SAPCD2: variants seen among roughly 807,000 people sequenced by gnomAD.
SAPCD2 encodes the protein suppressor APC domain containing 2.
Under a neutral mutation model 37.8 loss-of-function variants are expected in SAPCD2, and 34 were observed. The ratio of observed to expected loss-of-function variants is 0.90; its 90% CI spans 0.68 to 1.20. The LOEUF is 1.20. SAPCD2 is among the 50% of genes most tolerant of loss of function. The probability of loss-of-function intolerance (pLI) is 0.00; values close to 1 mark genes in which losing one functional copy is unlikely to be tolerated. For synonymous variants in SAPCD2, 275 were observed against 270.3 expected, an observed-to-expected ratio of 1.02 and a Z score of -0.17; for missense variants, 572 against 584.7, an observed-to-expected ratio of 0.98 and a Z score of 0.22.
chr9:137,065,431 G>C, intron 3 of SAPCD2, 91 bp downstream of exon 3: 3 of 1,423,006 alleles, frequency 2.1e-6, no homozygotes, highest in South Asian at 2.8e-5. Flanking sequence ...CACTGTGTCC[G>C]GGAATAGGGG....
At chr9:137,065,238 G>T in intron 3 of SAPCD2, 53 bp from the exon 4 acceptor site, 1 of 1,296,374 alleles carries the variant, frequency 7.7e-7, no homozygotes, top group Non-Finnish European at 1.0e-6. Flanking sequence ...GCCGGGGCCA[G>T]CAAGGTGCCT....
Position 137,062,971 on chromosome 9 carries a change from C to G in SAPCD2, c.*1688G>C, listed in dbSNP as rs1229920534. Reference sequence around the variant, plus strand: ...CACTGTTCTGTCTCCTGCTTCCAGTCCAGTAAAGATGCCAGGATCCCCCAG... The same window carrying G: ...CACTGTTCTGTCTCCTGCTTCCAGTGCAGTAAAGATGCCAGGATCCCCCAG... On this transcript the variant is annotated 3_prime_UTR_variant, in exon 6 of 6. Transcript: ENST00000409687. 6.6e-6 allele frequency: 1 copy of G among 152,240 alleles called. No individual in the cohort carries two copies. The highest frequency in any genetic ancestry group is 2.4e-5 in the African/African-American group (1 of 41,440). The allele number at this position is 152,240 out of a possible 1,614,324, so 9.4% of individuals were successfully genotyped here.
rs1832510947 is a variant in SAPCD2 at position 137,064,406 on chromosome 9, C to T, written c.*253G>A. ...TGACAGCGGCAGTAGTAGCTGCGGA[C>T]TATGCGGACTCAAGAGAGCCCCAGC... On this transcript the variant is annotated 3_prime_UTR_variant, in exon 6 of 6. Coordinates refer to ENST00000409687, the MANE Select transcript of SAPCD2 (RefSeq NM_178448.4). 7.1e-6 allele frequency: 4 copies of T among 566,064 alleles called. 1 individual carries two copies. The South Asian group carries it at 8.0e-5, about 11-fold the overall frequency. 35.1% of individuals were successfully genotyped at this position (566,064 alleles called of 1,614,324 possible).
chr9:137,070,113 C>A lies in SAPCD2; in HGVS notation c.348G>T (p.Pro116=). ...TRAPARPGDQ[P]PPPPQRLVFA... ...ACACCAGGCGCTGCGGCGGCGGCGG[C>A]GGCTGATCCCCGGGCCGGGCCGGGG... The change falls in exon 1 of 6, where the codon CCG becomes CCT. Residue 116 remains proline (P), a synonymous_variant. Coordinates refer to ENST00000409687, the MANE Select transcript of SAPCD2 (RefSeq NM_178448.4). 1.7e-6 allele frequency: 2 copies of A among 1,190,370 alleles called. No individual in the cohort carries two copies. Among genetic ancestry groups the A allele is most frequent in the Non-Finnish European group, 2.1e-6 (2 of 962,358 alleles). The allele number at this position is 1,190,370 out of a possible 1,614,324, so 73.7% of individuals were successfully genotyped here. A position where few individuals can be genotyped will look rare whatever the true frequency, so the allele number is the denominator to read the frequency against.
rs1172601949 is a variant in SAPCD2, at chr9:137,063,378, G to GC, written c.*1280dup. On this transcript the variant is annotated 3_prime_UTR_variant, in exon 6 of 6. Transcript: ENST00000409687. The stretch of plus-strand genomic sequence containing the variant: ...GGGAGTTGCCACGCTGCCTGCCAGG[G>GC]CCCCTCCTCTGAGACAGGTGCCTTG... 1.3e-5 allele frequency: 2 copies of GC among 152,430 alleles called. No homozygotes were observed. Among genetic ancestry groups the GC allele is most frequent in the East Asian group, 3.9e-4 (2 of 5,184 alleles). The allele number at this position is 152,430 out of a possible 1,614,324, so 9.4% of individuals were successfully genotyped here. A position where few individuals can be genotyped will look rare whatever the true frequency, so the allele number is the denominator to read the frequency against.
At chr9:137,066,065 A>G (rs1276542775) in intron 2 of SAPCD2, among the ~76,000 whole-genome samples, 197 bp downstream of exon 2, 1 of 152,198 alleles carries the variant, frequency 6.6e-6, no homozygotes, top group Admixed American at 6.5e-5. Context: ...AGCTGCCCTA[A>G]ACGACCTCTT....
In SAPCD2 at chr9:137,069,944, C is replaced by G; in HGVS notation, c.517G>C (p.Glu173Gln). Residue 173 changes from glutamate to glutamine, a missense_variant, in exon 1 of 6, where the codon GAG (glutamate) becomes CAG (glutamine). Glu to Gln is a conservative substitution (Grantham distance 29). Coordinates refer to ENST00000409687, the MANE Select transcript of SAPCD2 (RefSeq NM_178448.4). Reference sequence around the variant, plus strand: ...GCCGCGCTCTGGGACCGCTCGGGCTCCGCGGGGCAGGGCGCCGCCTCAGCC... The same window carrying G: ...GCCGCGCTCTGGGACCGCTCGGGCTGCGCGGGGCAGGGCGCCGCCTCAGCC... Reference protein sequence around the residue: ...APAEAAPCPAEPERSQSAALE... With the variant: ...APAEAAPCPAQPERSQSAALE... 7.9e-7 allele frequency: 1 copy of G among 1,268,424 alleles called. No individual in the cohort carries two copies. The highest frequency in any genetic ancestry group is 1.5e-5 in the African/African-American group (1 of 64,542). 78.6% of individuals were successfully genotyped at this position (1,268,424 alleles called of 1,614,324 possible).
intron 1 of SAPCD2, among the ~76,000 whole-genome samples, chr9:137,067,028 C>T (rs973762685): frequency 6.6e-6 from 1 of 152,106 alleles, no homozygotes; most frequent in Non-Finnish European, 1.5e-5. Context: ...GTTCCTGTTG[C>T]CCAGGCTGGA....
rs540438147 is a variant in SAPCD2 at position 137,065,595 on chromosome 9, C to T, written c.758G>A (p.Arg253His). 18 of 1,611,392 alleles carry T rather than the reference C, an allele frequency of 1.1e-5. No homozygotes were observed. The highest frequency in any genetic ancestry group is 8.3e-5 in the Admixed American group (5 of 59,968). The change falls in exon 3 of 6, where the codon CGC (arginine) becomes CAC (histidine). Residue 253 changes from arginine (R) to histidine (H), a missense_variant. By Grantham distance (29) the Arg-to-His change is conservative (BLOSUM62 0). Coordinates refer to ENST00000409687, the MANE Select transcript of SAPCD2 (RefSeq NM_178448.4). ...TTGCAGCTGCTGCTGGTACCAGTCGCGGCCCCGCGCCATCATCTCCAAACC... is the reference window on the plus strand; with the variant it reads ...TTGCAGCTGCTGCTGGTACCAGTCGTGGCCCCGCGCCATCATCTCCAAACC... Reference protein sequence around the residue: ...LQGLEMMARGRDWYQQQLQRV... With the variant: ...LQGLEMMARGHDWYQQQLQRV...
intron 1 of SAPCD2, among the ~76,000 whole-genome samples, chr9:137,069,057 G>A (rs909243078): frequency 1.3e-5 from 2 of 152,228 alleles, no homozygotes; most frequent in Admixed American, 1.3e-4. Context: ...GCCACCGGTG[G>A]GCAGGCCTCC....
intron 2 of SAPCD2, 96 bp from the exon 3 acceptor site, chr9:137,065,764 C>G: frequency 1.4e-6 from 2 of 1,436,958 alleles, no homozygotes; most frequent in Non-Finnish European, 1.9e-6. Context: ...ACCAGAGCCA[C>G]AGACACAAAT....
rs1301630734 is a variant in SAPCD2 at position 137,062,287 on chromosome 9, C to T, written c.*2372G>A. On this transcript the variant is annotated 3_prime_UTR_variant, in exon 6 of 6. Coordinates refer to ENST00000409687, the MANE Select transcript of SAPCD2 (RefSeq NM_178448.4). ...TTGTGGTGTTTATGAATTTTTAAAC[C>T]TGGATCTCTCATTTTCTTTCTTTCT... 6.6e-6 allele frequency: 1 copy of T among 151,356 alleles called. No individual in the cohort carries two copies. Among genetic ancestry groups the T allele is most frequent in the African/African-American group, 2.4e-5 (1 of 41,200 alleles). 9.4% of individuals were successfully genotyped at this position (151,356 alleles called of 1,614,324 possible). A position where few individuals can be genotyped will look rare whatever the true frequency, so the allele number is the denominator to read the frequency against.
intron 3 of SAPCD2, 121 bp downstream of exon 3, chr9:137,065,401 T>A (rs4880195): frequency 1.6e-6 from 2 of 1,272,136 alleles, no homozygotes; most frequent in Admixed American, 2.8e-5. Context: ...TGTCTCAGCA[T>A]CCTGGGTGGA....
chr9:137,065,835 A>G (rs962820084), intron 2 of SAPCD2, among the ~76,000 whole-genome samples, 167 bp from the exon 3 acceptor site: 2 of 152,152 alleles, frequency 1.3e-5, no homozygotes. Flanking sequence ...TGACACCTGC[A>G]TGTGTGAGCC....
intron 1 of SAPCD2, among the ~76,000 whole-genome samples, chr9:137,066,931 T>C (rs572271374): frequency 5.0e-4 from 75 of 151,348 alleles, no homozygotes; most frequent in African/African-American, 1.7e-3. Context: ...CCAAGGCGGG[T>C]GGATCGCTTG....
rs529515798 is a variant in SAPCD2, at chr9:137,066,276, C to T, written c.670G>A (p.Val224Met). 17 of 1,605,200 alleles carry T rather than the reference C, an allele frequency of 1.1e-5. No homozygotes were observed. The highest frequency in any genetic ancestry group is 3.3e-5 in the South Asian group (3 of 89,632). ...TCCCTGCTCACCAGGCCGCAGTCCA[C>T]GCCGCTGGCGATGGTGTGCCTCCGA... ...ERRRHTIASG[V>M]DCGLLKQMKE... The change falls in exon 2 of 6, where the codon GTG (valine) becomes ATG (methionine). Residue 224 changes from valine (V) to methionine (M), a missense_variant. Coordinates refer to ENST00000409687, the MANE Select transcript of SAPCD2 (RefSeq NM_178448.4).
intron 1 of SAPCD2, among the ~76,000 whole-genome samples, chr9:137,069,483 A>G (rs7467117): frequency 0.54 from 82,861 of 152,088 alleles, 23,257 homozygotes; most frequent in Non-Finnish European, 0.62. Flanking sequence ...TTCTTTGAGA[A>G]GGAAGCACTT....
intron 1 of SAPCD2, among the ~76,000 whole-genome samples, chr9:137,066,623 C>T (rs948809031): frequency 2.0e-5 from 3 of 152,244 alleles, no homozygotes; most frequent in Non-Finnish European, 4.4e-5. Flanking sequence ...GCCCCCTCAT[C>T]GGTCCGTGAG....
Position 137,064,709 on chromosome 9 carries a change from G to C in SAPCD2, c.1135C>G (p.Arg379Gly). The C allele has an allele frequency of 1.3e-6, 2 of 1,595,044 alleles. No individual in the cohort carries two copies. ...CCCCCGTCCTGCTGGCTCAGGGCGC[G>C]GGCCTCAAACAGCTGCTTAATGAGC... ...SALIKQLFEA[R>G]ALSQQDGGPL... is the part of the protein sequence containing the mutation. The change falls in exon 6 of 6, where the codon CGC (arginine) becomes GGC (glycine). Residue 379 changes from arginine to glycine, a missense_variant. Arg to Gly is a moderately radical substitution (Grantham distance 125). Transcript: ENST00000409687.
Sources: allele counts gnomAD v4.1 joint callset (sites outside exome capture counted in the v4.1 genomes callset), GRCh38; gene constraint gnomAD v4.1.1; transcripts MANE v1.5; gene names NCBI Gene and HGNC (gene_info 2026-07-23, HGNC 2026-07-21).